Variants in FTO observed in about 807,000 individuals in gnomAD.
FTO encodes the protein alpha-ketoglutarate-dependent dioxygenase FTO.
FTO carries 47 observed loss-of-function variants against 63.9 expected under a neutral mutation model. That is an observed-to-expected ratio of 0.74 (90% CI 0.58 to 0.94). The LOEUF (loss-of-function observed/expected upper bound fraction) is 0.94, where lower values mean the gene tolerates loss of function less well. FTO is among the 40% of genes least tolerant of loss of function. FTO has a pLI of 0.00. For missense variants in FTO, 562 were observed against 618.1 expected, an observed-to-expected ratio of 0.91 and a Z score of 0.96; for synonymous variants, 207 against 224.4, an observed-to-expected ratio of 0.92 and a Z score of 0.69.
At chr16:53,785,914 G>GAAAAAAAAAAAAAAAAAAAAAA (rs764170371) in intron 1 of FTO, among the ~76,000 whole-genome samples, 2 of 102,324 alleles carry the variant, frequency 2.0e-5, no homozygotes, top group Non-Finnish European at 1.9e-5. Context: ...ATCTCAAAAA[G>GAAAAAAAAAAAAAAAAAAAAAA]AAAAAAAAAA....
At chr16:54,022,126 GAAAAAAAC>G (rs1202993403) in intron 8 of FTO, among the ~76,000 whole-genome samples, 4 of 151,802 alleles carry the variant, frequency 2.6e-5, no homozygotes, top group South Asian at 4.2e-4. Context: ...TTTATCGGAA[GAAAAAAAC>G]AAAAAAACAA....
intron 8 of FTO, among the ~76,000 whole-genome samples, chr16:54,053,887 C>A (rs62034107): frequency 0.034 from 5,242 of 152,202 alleles, 128 homozygotes; most frequent in South Asian, 0.12. Flanking sequence ...TGTCATTTTT[C>A]GTAAGCAACT....
intron 1 of FTO, among the ~76,000 whole-genome samples, chr16:53,800,535 G>T (rs934207571): frequency 2.6e-5 from 4 of 152,100 alleles, no homozygotes. Flanking sequence ...CTCTTATGGT[G>T]CTTTTGTCTA....
intron 8 of FTO, among the ~76,000 whole-genome samples, chr16:54,038,412 C>T (rs1434879026): frequency 6.6e-6 from 1 of 152,122 alleles, no homozygotes; most frequent in Non-Finnish European, 1.5e-5. Context: ...TGATTATGCC[C>T]AACCTGGAAA....
intron 8 of FTO, among the ~76,000 whole-genome samples, chr16:54,086,174 A>G (rs1567562698): frequency 6.6e-6 from 1 of 152,220 alleles, no homozygotes; most frequent in South Asian, 2.1e-4. Context: ...GCAAAATCCT[A>G]TAACACAATT....
At chr16:53,971,874 A>G (rs574002112) in intron 8 of FTO, among the ~76,000 whole-genome samples, 1 of 152,316 alleles carries the variant, frequency 6.6e-6, no homozygotes, top group African/African-American at 2.4e-5. Context: ...CTGTTCTATG[A>G]AATGCAGTCA....
chr16:53,782,660 A>G (rs931799211), intron 1 of FTO, among the ~76,000 whole-genome samples: 2 of 152,244 alleles, frequency 1.3e-5, no homozygotes, highest in African/African-American at 4.8e-5. Context: ...CAACTGGTAT[A>G]GTGGCAGAGC....
intron 1 of FTO, among the ~76,000 whole-genome samples, chr16:53,767,763 T>G (rs937180801): frequency 1.1e-4 from 16 of 152,298 alleles, no homozygotes; most frequent in African/African-American, 3.8e-4. Flanking sequence ...GAAGATATCT[T>G]CAGTCAAATT....
chr16:54,045,043 A>C (rs1334077266), intron 8 of FTO, among the ~76,000 whole-genome samples: 2 of 95,270 alleles, frequency 2.1e-5, no homozygotes, highest in Non-Finnish European at 3.6e-5. Context: ...ATCACAATTA[A>C]AAGAACTAGA....
chr16:54,081,808 A>T (rs1287457403), intron 8 of FTO, among the ~76,000 whole-genome samples: 1 of 152,134 alleles, frequency 6.6e-6, no homozygotes, highest in Non-Finnish European at 1.5e-5. Flanking sequence ...AGCCACTAGA[A>T]CCCCATTCTG....
intron 7 of FTO, among the ~76,000 whole-genome samples, chr16:53,915,833 C>G (rs1388188544): frequency 6.6e-6 from 1 of 152,118 alleles, no homozygotes; most frequent in Non-Finnish European, 1.5e-5. Flanking sequence ...GAATGTGTAA[C>G]CACTCAACAA....
intron 4 of FTO, among the ~76,000 whole-genome samples, chr16:53,853,929 T>C (rs1374450000): frequency 6.6e-6 from 1 of 152,164 alleles, no homozygotes; most frequent in Non-Finnish European, 1.5e-5. Context: ...GTAATTTACA[T>C]TTCCACCCCC....
intron 8 of FTO, among the ~76,000 whole-genome samples, chr16:54,065,561 TG>T (rs1246470302): frequency 6.6e-6 from 1 of 152,152 alleles, no homozygotes; most frequent in African/African-American, 2.4e-5. Context: ...CAATAAAAAG[TG>T]TCAAATGATG....
intron 3 of FTO, among the ~76,000 whole-genome samples, chr16:53,837,026 C>T (rs66684815): frequency 0.036 from 5,503 of 152,248 alleles, 264 homozygotes; most frequent in East Asian, 0.1. Flanking sequence ...CTCTTTATAC[C>T]TTCCTGAGGT....
At chr16:53,807,094 A>G (rs1454763945) in intron 1 of FTO, among the ~76,000 whole-genome samples, 1 of 152,250 alleles carries the variant, frequency 6.6e-6, no homozygotes, top group Admixed American at 6.5e-5. Context: ...AAGCATGACC[A>G]AAACTTCTCT....
chr16:53,809,777 AC>A (rs1158726828), intron 1 of FTO, among the ~76,000 whole-genome samples: 2 of 151,992 alleles, frequency 1.3e-5, no homozygotes, highest in African/African-American at 4.8e-5. Context: ...CCTTGTCCCT[AC>A]TAAAAATAAA....
At chr16:53,811,865 T>A (rs2078535604) in intron 2 of FTO, among the ~76,000 whole-genome samples, 1 of 152,186 alleles carries the variant, frequency 6.6e-6, no homozygotes, top group Admixed American at 6.5e-5. Flanking sequence ...CAGACTGGAA[T>A]GCAGTGGTGT....
chr16:54,027,348 A>G (rs780318185), intron 8 of FTO, among the ~76,000 whole-genome samples: 30 of 152,172 alleles, frequency 2.0e-4, no homozygotes, highest in Non-Finnish European at 4.1e-4. Context: ...AGCTGGCTTG[A>G]TAAGGGAATG....
intron 1 of FTO, among the ~76,000 whole-genome samples, chr16:53,800,169 G>A (rs1051410592): frequency 6.6e-6 from 1 of 151,794 alleles, no homozygotes; most frequent in Non-Finnish European, 1.5e-5. Context: ...ACTAGTTTAG[G>A]TGCATCCTAC....
Sources: gnomAD v4.1 joint callset for allele counts (sites outside exome capture counted in the v4.1 genomes callset) on GRCh38, gnomAD v4.1.1 for gene constraint, MANE v1.5 for transcripts, NCBI Gene and HGNC (gene_info 2026-07-23, HGNC 2026-07-21) for gene names.